The following CSMD1 variants were observed in gnomAD, a reference collection of about 807,000 sequenced individuals.
CSMD1 encodes CUB and sushi domain-containing protein 1.
In CSMD1, 213 loss-of-function variants were observed where a neutral mutation model predicts 417.5. The ratio of observed to expected loss-of-function variants is 0.51; its 90% CI spans 0.46 to 0.57. The LOEUF is 0.57. Ranked by LOEUF, CSMD1 falls within the 20% of genes least tolerant of loss-of-function variation. The pLI is 0.00. For synonymous variants in CSMD1, 2,862 were observed against 1,736.8 expected, an observed-to-expected ratio of 1.65 and a Z score of -16.11; for missense variants, 6,923 against 4,529.7, an observed-to-expected ratio of 1.53 and a Z score of -15.17.
chr8:4,795,204 A>T (rs112269173), intron 1 of CSMD1, among the ~76,000 whole-genome samples: 1 of 147,234 alleles, frequency 6.8e-6, no homozygotes, highest in Admixed American at 6.8e-5. Context: ...ACCAGCTCAC[A>T]TATTGAGGTG....
chr8:3,236,358 G>C (rs1478713867), intron 26 of CSMD1, among the ~76,000 whole-genome samples: 2 of 152,058 alleles, frequency 1.3e-5, no homozygotes, highest in Non-Finnish European at 2.9e-5. Flanking sequence ...CAAACACTTT[G>C]TATTTAGAAT....
At chr8:3,961,354 G>C (rs2740830) in intron 5 of CSMD1, among the ~76,000 whole-genome samples, 1 of 152,152 alleles carries the variant, frequency 6.6e-6, no homozygotes, top group Non-Finnish European at 1.5e-5. Flanking sequence ...GTAAGCCACT[G>C]AAGAACAAGG....
intron 46 of CSMD1, among the ~76,000 whole-genome samples, chr8:3,101,451 C>T (rs1815734216): frequency 6.6e-6 from 1 of 152,168 alleles, no homozygotes; most frequent in Non-Finnish European, 1.5e-5. Context: ...GAGACGGAGT[C>T]TCGCTCTGAC....
chr8:3,683,723 A>G (rs1585070887), intron 7 of CSMD1, among the ~76,000 whole-genome samples: 1 of 152,144 alleles, frequency 6.6e-6, no homozygotes, highest in Non-Finnish European at 1.5e-5. Flanking sequence ...TCCTACAACT[A>G]GTAGGTTCAA....
chr8:3,188,514 C>T (rs906813559), intron 35 of CSMD1, among the ~76,000 whole-genome samples: 3 of 151,766 alleles, frequency 2.0e-5, no homozygotes, highest in Middle Eastern at 3.2e-3. Flanking sequence ...ACCATGTTGG[C>T]CAGGCTAGTC....
chr8:4,902,902 ACAAG>A, intron 1 of CSMD1, among the ~76,000 whole-genome samples: 1 of 151,444 alleles, frequency 6.6e-6, no homozygotes, highest in East Asian at 1.9e-4. Context: ...ATATTTTTAC[ACAAG>A]CAATATGCAA....
intron 39 of CSMD1, among the ~76,000 whole-genome samples, chr8:3,154,976 T>C (rs1819428881): frequency 1.3e-5 from 2 of 152,150 alleles, no homozygotes; most frequent in Non-Finnish European, 2.9e-5. Flanking sequence ...TTATCATGGG[T>C]CATGTGTGAG....
intron 12 of CSMD1, among the ~76,000 whole-genome samples, chr8:3,414,612 T>A (rs1238545579): frequency 2.6e-5 from 4 of 152,150 alleles, no homozygotes; most frequent in Admixed American, 2.0e-4. Flanking sequence ...GCTTGAAATT[T>A]TTCTGGTGAC....
intron 4 of CSMD1, among the ~76,000 whole-genome samples, chr8:4,003,372 G>A (rs1024188368): frequency 5.3e-5 from 8 of 151,652 alleles, no homozygotes; most frequent in Non-Finnish European, 8.8e-5. Context: ...CAGCCTGGGC[G>A]ACACAGCAAG....
At chr8:3,375,721 C>G (rs1347771617) in intron 18 of CSMD1, among the ~76,000 whole-genome samples, 1 of 152,064 alleles carries the variant, frequency 6.6e-6, no homozygotes, top group East Asian at 1.9e-4. Flanking sequence ...CCCCATCTCA[C>G]CCTCAGAAAA....
chr8:3,567,283 G>A (rs924975902), intron 10 of CSMD1, among the ~76,000 whole-genome samples: 2 of 152,056 alleles, frequency 1.3e-5, no homozygotes, highest in African/African-American at 2.4e-5. Context: ...TGCAGGGTGG[G>A]AGGAGGCAGA....
intron 2 of CSMD1, among the ~76,000 whole-genome samples, chr8:4,542,030 T>C (rs946803924): frequency 6.6e-6 from 1 of 152,132 alleles, no homozygotes; most frequent in Admixed American, 6.5e-5. Context: ...GAAGCAAATG[T>C]GGTCCCAGAG....
chr8:4,370,290 G>C (rs188523101), intron 3 of CSMD1, among the ~76,000 whole-genome samples: 3 of 151,970 alleles, frequency 2.0e-5, no homozygotes, highest in East Asian at 3.9e-4. Context: ...CAGTTTGTAA[G>C]GTTTGTGCTG....
intron 7 of CSMD1, among the ~76,000 whole-genome samples, chr8:3,693,369 G>A (rs984167490): frequency 1.2e-4 from 19 of 152,078 alleles, no homozygotes; most frequent in African/African-American, 3.9e-4. Context: ...GATAAAATCC[G>A]AGTAATGTGG....
intron 2 of CSMD1, among the ~76,000 whole-genome samples, chr8:4,427,511 A>G (rs1343246931): frequency 2.5e-3 from 333 of 133,556 alleles, no homozygotes; most frequent in African/African-American, 8.5e-3. Flanking sequence ...ACACACACAC[A>G]CATGCACACT....
Position 3,858,238 on chromosome 8 carries a change from T to C in CSMD1, c.819-104196A>G, listed in dbSNP as rs1002954243. On this transcript the variant is annotated intron_variant, in intron 5 of 69. Coordinates refer to ENST00000635120, the MANE Select transcript of CSMD1 (RefSeq NM_033225.6). ...AATTCAAAGTAAAAGTTATATAATA[T>C]TTTGCTTTGATAAAGTCCACAGAAT... 2.6e-5 allele frequency among the ~76,000 whole-genome samples: 4 copies of C among 152,214 alleles called. No homozygotes were observed. In the East Asian group the frequency reaches 7.7e-4, roughly 29 times the overall value.
Position 3,189,079 on chromosome 8 carries a change from T to C in CSMD1, c.5399-68A>G, listed in dbSNP as rs567840220. ...ACAGTGTTGATTTGGCATGCAGTTT[T>C]CTTTCACTGTGTGACCACACAGTAA... is the stretch of plus-strand genomic sequence containing the variant. On this transcript the variant is annotated intron_variant, in intron 34 of 69. Transcript: ENST00000635120. 1.1e-4 allele frequency: 165 copies of C among 1,453,658 alleles called. No individual in the cohort carries two copies. In the East Asian group the frequency reaches 3.8e-3, roughly 34 times the overall value. The allele number at this position is 1,453,658 out of a possible 1,614,324, so 90.0% of individuals were successfully genotyped here.
intron 37 of CSMD1, among the ~76,000 whole-genome samples, chr8:3,174,445 A>T (rs1054482354): frequency 4.6e-5 from 7 of 152,216 alleles, no homozygotes; most frequent in Admixed American, 4.6e-4. Flanking sequence ...AAGTGAGCTG[A>T]GATCATGCCA....
intron 2 of CSMD1, among the ~76,000 whole-genome samples, chr8:4,427,331 A>G (rs1390742485): frequency 6.6e-6 from 1 of 152,152 alleles, no homozygotes; most frequent in African/African-American, 2.4e-5. Context: ...GCAGTGAGTT[A>G]CATGTCAAAC....
Sources: gnomAD v4.1 joint callset for allele counts (sites outside exome capture counted in the v4.1 genomes callset) on GRCh38, gnomAD v4.1.1 for gene constraint, MANE v1.5 for transcripts, NCBI Gene and HGNC (gene_info 2026-07-23, HGNC 2026-07-21) for gene names.